Variants in ZNF500 observed in about 807,000 individuals in gnomAD.
ZNF500 encodes the protein zinc finger protein with KRAB and SCAN domains 18.
Under a neutral mutation model 30.1 loss-of-function variants are expected in ZNF500, and 31 were observed. That is an observed-to-expected ratio of 1.03 (90% confidence interval 0.77 to 1.39). ZNF500 has a LOEUF of 1.39. Among genes scored for constraint, ZNF500 ranks in the 40% most tolerant of loss-of-function variants. ZNF500 has a pLI of 0.00. For synonymous variants in ZNF500, 392 were observed against 282.0 expected (o/e 1.39, Z -3.91); for missense variants, 817 against 657.8 (o/e 1.24, Z -2.65).
chr16:4,761,682 T>TAA (rs534995351), intron 4 of ZNF500, among the ~76,000 whole-genome samples: 2 of 135,794 alleles, frequency 1.5e-5, no homozygotes, highest in African/African-American at 2.7e-5. Context: ...TGTGTCCCAT[T>TAA]AAAAAAAAAA....
chr16:4,747,566 G>C, downstream of ZNF500: 2 of 1,611,834 alleles, frequency 1.2e-6, no homozygotes, highest in Non-Finnish European at 1.7e-6. Flanking sequence ...AGCCCTGGGG[G>C]ATGTTCCTGA....
chr16:4,758,833 C>G (rs546721527), intron 5 of ZNF500, among the ~76,000 whole-genome samples: 2 of 152,196 alleles, frequency 1.3e-5, no homozygotes, highest in African/African-American at 4.8e-5. Context: ...AAACGATCAA[C>G]TGGACACTAG....
chr16:4,745,952 CAA>C (rs58259917), downstream of ZNF500, among the ~76,000 whole-genome samples: 4,151 of 113,456 alleles, frequency 0.037, 67 homozygotes, highest in African/African-American at 0.055. Context: ...GACTCTGTCT[CAA>C]AAAAAAAAAA....
At chr16:4,764,077 C>T (rs1372775693) in intron 2 of ZNF500, 1 of 985,426 alleles carries the variant, frequency 1.0e-6, no homozygotes, top group Non-Finnish European at 1.2e-6. Flanking sequence ...TCTACTCCTT[C>T]AAATGGGGCT....
At chr16:4,747,501 A>C, downstream of ZNF500, 1 of 1,613,284 alleles carries the variant, frequency 6.2e-7, no homozygotes, top group East Asian at 2.2e-5. Flanking sequence ...CAACACATGA[A>C]GCTCTGTGCC....
chr16:4,756,531 C>A (rs2082136634), intron 5 of ZNF500: 1 of 151,770 alleles, frequency 6.6e-6, no homozygotes, highest in Admixed American at 6.6e-5. Flanking sequence ...CAGTGAGACT[C>A]CATCTCTATC....
chr16:4,753,434 C>G (rs1230834624), intron 5 of ZNF500, among the ~76,000 whole-genome samples: 2 of 152,192 alleles, frequency 1.3e-5, no homozygotes, highest in African/African-American at 4.8e-5. Context: ...TACATTCCAG[C>G]CCGGGTGACG....
chr16:4,745,521 C>T (rs568518109), downstream of ZNF500, among the ~76,000 whole-genome samples: 4 of 152,346 alleles, frequency 2.6e-5, no homozygotes, highest in African/African-American at 7.2e-5. Flanking sequence ...CCCAGGGTCC[C>T]GTAAGGCCCC....
downstream of ZNF500, chr16:4,747,283 G>C: frequency 6.7e-7 from 1 of 1,497,226 alleles, no homozygotes; most frequent in Non-Finnish European, 9.0e-7. Context: ...GTTTCAGTAA[G>C]GAGGGCTGGG....
At chr16:4,762,374 C>T in intron 3 of ZNF500, 39 bp from the exon 4 acceptor site, 2 of 1,567,112 alleles carry the variant, frequency 1.3e-6, no homozygotes, top group Non-Finnish European at 1.7e-6. Context: ...ACACAGCTCA[C>T]CCAGTACTGC....
At position 4,765,923 on chromosome 16, in the gene ZNF500, T is replaced by C. The variant is rs1465973572; in HGVS notation, c.56A>G (p.Gln19Arg). ...CACCTTCACAATCAGGATCTCTTCC[T>C]GTTCCAGGTCCTGCTCCAAGGTTGG... ...PLPTLEQDLEQEEILIVKVEE... is the reference protein window; with the variant it reads ...PLPTLEQDLEREEILIVKVEE... The change falls in exon 2 of 6, where the codon CAG becomes CGG. Residue 19 changes from glutamine (Q) to arginine (R), a missense_variant. Transcript: ENST00000219478. 2 of 1,608,148 alleles carry C rather than the reference T, an allele frequency of 1.2e-6. No individual in the cohort carries two copies. Among genetic ancestry groups the C allele is most frequent in the Admixed American group, 1.7e-5 (1 of 58,978 alleles).
intron 2 of ZNF500, 198 bp from the exon 3 acceptor site, chr16:4,762,954 C>G: frequency 1.0e-6 from 1 of 985,430 alleles, no homozygotes; most frequent in Non-Finnish European, 1.2e-6. Context: ...CATGGTCTCT[C>G]CCTGTCACCA....
chr16:4,756,499 AT>A (rs1303097685), intron 5 of ZNF500: 1 of 151,724 alleles, frequency 6.6e-6, no homozygotes, highest in Non-Finnish European at 1.5e-5. Context: ...AGAAAAAAAA[AT>A]GTTTTTGAGC....
At chr16:4,760,449 T>C in intron 5 of ZNF500, 43 bp downstream of exon 5, 4 of 1,587,610 alleles carry the variant, frequency 2.5e-6, no homozygotes, top group Non-Finnish European at 3.4e-6. Flanking sequence ...ACAGTTCCTA[T>C]TTTTGGCAAG....
At position 4,751,628 on chromosome 16, in the gene ZNF500, A is replaced by T; in HGVS notation, c.*748T>A. ...CTGCAGCAGACGAGGGGTCCCTCAA[A>T]TTCATGTGCACCCAGACCTCAGAAT... is the stretch of plus-strand genomic sequence containing the variant. On this transcript the variant is annotated 3_prime_UTR_variant, in exon 6 of 6. Transcript: ENST00000219478. The T allele has an allele frequency of 1.3e-6, 2 of 1,535,368 alleles. No homozygotes were observed. Among genetic ancestry groups the T allele is most frequent in the Non-Finnish European group, 1.7e-6 (2 of 1,146,742 alleles).
At chr16:4,746,494 A>G, downstream of ZNF500, 1 of 1,613,670 alleles carries the variant, frequency 6.2e-7, no homozygotes, top group Non-Finnish European at 8.5e-7. Context: ...GAGCTACCAG[A>G]CCACCTGTCC....
chr16:4,752,532 C>G lies in ZNF500; in HGVS notation c.1287G>C (p.Arg429=). The G allele has an allele frequency of 6.4e-7, 1 of 1,564,358 alleles. No individual in the cohort carries two copies. The highest frequency in any genetic ancestry group is 8.6e-7 in the Non-Finnish European group (1 of 1,159,404). Residue 429 remains arginine, a synonymous_variant, in exon 6 of 6, where the codon CGG becomes CGC. Transcript: ENST00000219478. ...NNSSHFSAHR[R]THTGEKPYTC... Reference sequence around the variant, plus strand: ...TGTAGGGCTTCTCACCTGTGTGCGTCCGGCGGTGGGCGCTGAAGTGCGAGC... The same window carrying G: ...TGTAGGGCTTCTCACCTGTGTGCGTGCGGCGGTGGGCGCTGAAGTGCGAGC...
At chr16:4,753,314 T>G in intron 5 of ZNF500, 5 of 556,090 alleles carry the variant, frequency 9.0e-6, no homozygotes, top group East Asian at 7.0e-5. Context: ...TAAACAAAAC[T>G]AGCTGGGCAT....
chr16:4,752,521 C>G lies in ZNF500; in HGVS notation c.1298G>C (p.Gly433Ala). ...GGCCGGGCAGGTGTAGGGCTTCTCA[C>G]CTGTGTGCGTCCGGCGGTGGGCGCT... ...HFSAHRRTHT[G>A]EKPYTCPACG... The change falls in exon 6 of 6, where the codon GGT becomes GCT. Residue 433 changes from glycine (G) to alanine (A), a missense_variant. Gly to Ala is a moderately conservative substitution (Grantham distance 60). Coordinates refer to ENST00000219478, the MANE Select transcript of ZNF500 (RefSeq NM_021646.4). 1.3e-6 allele frequency: 2 copies of G among 1,560,566 alleles called. No homozygotes were observed. The highest frequency in any genetic ancestry group is 1.7e-6 in the Non-Finnish European group (2 of 1,157,734).
Sources: allele counts gnomAD v4.1 joint callset (sites outside exome capture counted in the v4.1 genomes callset), GRCh38; gene constraint gnomAD v4.1.1; transcripts MANE v1.5; gene names NCBI Gene and HGNC (gene_info 2026-07-23, HGNC 2026-07-21).